SEM1: variants seen among roughly 807,000 people sequenced by gnomAD.
SEM1 encodes 26S proteasome complex subunit SEM1.
SEM1 carries 3 observed loss-of-function variants against 12.7 expected under a neutral mutation model. The ratio of observed to expected loss-of-function variants is 0.24; its 90% confidence interval spans 0.11 to 0.61. The LOEUF (loss-of-function observed/expected upper bound fraction) is 0.61. Ranked by LOEUF, SEM1 falls within the 20% of genes least tolerant of loss-of-function variation. The probability of loss-of-function intolerance (pLI) is 0.88; values close to 1 mark genes in which losing one functional copy is unlikely to be tolerated. For synonymous variants in SEM1, 30 were observed against 27.8 expected (o/e 1.08, Z -0.25); for missense variants, 59 against 81.3 (o/e 0.73, Z 1.06).
At chr7:96,522,468 C>T (rs373368428) in intron 2 of SEM1, among the ~76,000 whole-genome samples, 20 of 151,874 alleles carry the variant, frequency 1.3e-4, no homozygotes, top group African/African-American at 4.6e-4. Flanking sequence ...TACTGCTTTG[C>T]ATTTTTGCCT....
chr7:96,541,785 G>A (rs1235298780), intron 2 of SEM1, among the ~76,000 whole-genome samples: 1 of 151,516 alleles, frequency 6.6e-6, no homozygotes, highest in Non-Finnish European at 1.5e-5. Flanking sequence ...GTAAAAGGTA[G>A]GTGCTGTTTC....
chr7:96,667,335 C>G (rs1474303351), intron 2 of SEM1, among the ~76,000 whole-genome samples: 1 of 152,172 alleles, frequency 6.6e-6, no homozygotes, highest in Non-Finnish European at 1.5e-5. Context: ...ATCCTGGAGT[C>G]TCAGCCAACT....
chr7:96,537,038 T>A (rs575692586), intron 2 of SEM1, among the ~76,000 whole-genome samples: 1 of 151,806 alleles, frequency 6.6e-6, no homozygotes, highest in Non-Finnish European at 1.5e-5. Context: ...TTTTATGTAA[T>A]TCCATTCTGT....
chr7:96,606,902 C>G (rs1310370619), intron 2 of SEM1, among the ~76,000 whole-genome samples: 5 of 152,244 alleles, frequency 3.3e-5, no homozygotes, highest in Admixed American at 6.5e-5. Flanking sequence ...ACAGTTTATT[C>G]TTATTGCCTT....
chr7:96,529,228 A>C (rs771423241), intron 2 of SEM1, among the ~76,000 whole-genome samples: 3 of 152,146 alleles, frequency 2.0e-5, no homozygotes, highest in Non-Finnish European at 2.9e-5. Context: ...AGACAAAAGA[A>C]AAAAGAAAGG....
chr7:96,595,005 T>C (rs1479390413), intron 2 of SEM1, among the ~76,000 whole-genome samples: 1 of 152,152 alleles, frequency 6.6e-6, no homozygotes. Flanking sequence ...GATTAGTTAC[T>C]GCAAAATAAA....
intron 2 of SEM1, among the ~76,000 whole-genome samples, chr7:96,674,265 C>T (rs960637345): frequency 5.3e-5 from 8 of 152,138 alleles, no homozygotes; most frequent in African/African-American, 1.9e-4. Context: ...TACTTACCAA[C>T]AAAATAGGTA....
intron 2 of SEM1, among the ~76,000 whole-genome samples, chr7:96,690,266 A>G (rs191517553): frequency 9.5e-4 from 145 of 152,304 alleles, no homozygotes; most frequent in Non-Finnish European, 1.6e-3. Context: ...TGAACAAAAA[A>G]ACCCCAAAGT....
intron 2 of SEM1, among the ~76,000 whole-genome samples, chr7:96,664,922 A>C (rs1477550475): frequency 6.6e-6 from 1 of 152,246 alleles, no homozygotes; most frequent in African/African-American, 2.4e-5. Context: ...CACAAAGTTA[A>C]GTAGTGGACA....
In SEM1 at chr7:96,589,095, C is replaced by A. The variant is rs545789211; in HGVS notation, c.171-82397G>T. 9.8e-5 allele frequency among the ~76,000 whole-genome samples: 15 copies of A among 152,336 alleles called. No homozygotes were observed. In the East Asian group the frequency reaches 2.3e-3, roughly 24 times the overall value. ...CTATTGCCTGCCTGAAGGCTGCACC[C>A]AGGTGTGGGAACCGCACTGCTTAGG... On this transcript the variant is annotated intron_variant and NMD_transcript_variant, in intron 2 of 3. Transcript: ENST00000466986.
chr7:96,503,397 A>G (rs951035438), intron 3 of SEM1: 1 of 152,178 alleles, frequency 6.6e-6, no homozygotes, highest in African/African-American at 2.4e-5. Flanking sequence ...TGGTTGCCCA[A>G]GTCACCACTA....
At chr7:96,574,940 C>G (rs182306448) in intron 2 of SEM1, among the ~76,000 whole-genome samples, 1 of 152,082 alleles carries the variant, frequency 6.6e-6, no homozygotes, top group African/African-American at 2.4e-5. Flanking sequence ...TTTGTTATTA[C>G]GTACTTTCTG....
In SEM1 at chr7:96,611,472, A is replaced by G. The variant is rs184574967; in HGVS notation, c.170+83326T>C. 2.3e-3 allele frequency among the ~76,000 whole-genome samples: 348 copies of G among 152,314 alleles called. 1 individual carries two copies. The highest frequency in any genetic ancestry group is 8.1e-3 in the African/African-American group (336 of 41,560). ...AGTCATGCCATGGAATATGAGCAAA[A>G]GTTACATGAGTGATGAAGACCAGAA... On this transcript the variant is annotated intron_variant and NMD_transcript_variant, in intron 2 of 3. Coordinates refer to the SEM1 transcript ENST00000466986.
intron 2 of SEM1, among the ~76,000 whole-genome samples, chr7:96,611,103 A>T (rs1460487229): frequency 6.6e-6 from 1 of 152,124 alleles, no homozygotes; most frequent in South Asian, 2.1e-4. Context: ...CATATCTCCC[A>T]TATATTCTTC....
At chr7:96,709,125 T>A (rs1458918786) in intron 1 of SEM1, among the ~76,000 whole-genome samples, 1 of 152,022 alleles carries the variant, frequency 6.6e-6, no homozygotes, top group Non-Finnish European at 1.5e-5. Context: ...AGTTTTAGGG[T>A]CTTATAAAGC....
chr7:96,691,227 T>C (rs1789923012), intron 2 of SEM1, among the ~76,000 whole-genome samples: 2 of 152,172 alleles, frequency 1.3e-5, no homozygotes, highest in African/African-American at 4.8e-5. Flanking sequence ...GCCTTATTCT[T>C]TCTACTTCTG....
At chr7:96,568,722 T>C (rs1327448255) in intron 2 of SEM1, among the ~76,000 whole-genome samples, 2 of 151,920 alleles carry the variant, frequency 1.3e-5, no homozygotes, top group Non-Finnish European at 2.9e-5. Context: ...ATTTAGCTCC[T>C]AACATTTAAA....
downstream of SEM1, chr7:96,688,062 T>C (rs1344273648): frequency 6.6e-6 from 1 of 152,190 alleles, no homozygotes; most frequent in Non-Finnish European, 1.5e-5. Context: ...AGATTGATTG[T>C]AGTTCTTAGT....
At chr7:96,526,285 T>A (rs1038389760) in intron 2 of SEM1, among the ~76,000 whole-genome samples, 20 of 152,090 alleles carry the variant, frequency 1.3e-4, no homozygotes, top group African/African-American at 3.4e-4. Context: ...GCATTTATTT[T>A]TTTTTTTCAT....
Sources: allele counts gnomAD v4.1 joint callset (sites outside exome capture counted in the v4.1 genomes callset), GRCh38; gene constraint gnomAD v4.1.1; transcripts MANE v1.5; gene names NCBI Gene and HGNC (gene_info 2026-07-23, HGNC 2026-07-21).